The following GPC6 variants were observed in gnomAD, a reference collection of about 807,000 sequenced individuals.
GPC6 encodes the protein glypican-6.
GPC6 carries 14 observed loss-of-function variants against 55.2 expected under a neutral mutation model. That is an observed-to-expected ratio of 0.25 (90% CI 0.17 to 0.40). The LOEUF (loss-of-function observed/expected upper bound fraction) is 0.40. GPC6 is among the 10% of genes least tolerant of loss of function. GPC6 has a pLI of 1.00. For synonymous variants in GPC6, 278 were observed against 259.6 expected (o/e 1.07, Z -0.68); for missense variants, 641 against 708.5 (o/e 0.90, Z 1.08).
chr13:93,793,468 A>C (rs1261467588), intron 2 of GPC6, among the ~76,000 whole-genome samples: 1 of 142,380 alleles, frequency 7.0e-6, no homozygotes, highest in African/African-American at 2.7e-5. Flanking sequence ...TATATTTCAG[A>C]ATATCACTTT....
intron 3 of GPC6, among the ~76,000 whole-genome samples, chr13:93,945,786 T>A (rs760694608): frequency 2.0e-5 from 3 of 152,232 alleles, no homozygotes; most frequent in Non-Finnish European, 4.4e-5. Context: ...AACTCCTGCA[T>A]CTGTAGCCTG....
intron 2 of GPC6, among the ~76,000 whole-genome samples, chr13:93,799,746 T>G (rs995887558): frequency 5.3e-5 from 8 of 152,194 alleles, no homozygotes; most frequent in African/African-American, 1.9e-4. Flanking sequence ...GGAAAGCATG[T>G]TACATGGGAC....
At chr13:93,554,875 C>T (rs574190772) in intron 2 of GPC6, among the ~76,000 whole-genome samples, 110 of 152,272 alleles carry the variant, frequency 7.2e-4, no homozygotes, top group African/African-American at 2.4e-3. Flanking sequence ...TCAGAATGTG[C>T]CATTTGTTAT....
intron 1 of GPC6, among the ~76,000 whole-genome samples, chr13:93,430,432 G>A (rs1877313030): frequency 6.6e-6 from 1 of 152,092 alleles, no homozygotes; most frequent in African/African-American, 2.4e-5. Flanking sequence ...CATTTGTGGA[G>A]TTAACTATGT....
chr13:93,829,949 G>C (rs761336064), intron 2 of GPC6, among the ~76,000 whole-genome samples: 1 of 152,112 alleles, frequency 6.6e-6, no homozygotes, highest in African/African-American at 2.4e-5. Context: ...GAAATCATGG[G>C]GTATTCTGTT....
At chr13:93,954,010 C>T (rs986714175) in intron 3 of GPC6, among the ~76,000 whole-genome samples, 2 of 152,118 alleles carry the variant, frequency 1.3e-5, no homozygotes, top group African/African-American at 4.8e-5. Context: ...AATTCCAGAA[C>T]ATTTTTATCA....
intron 2 of GPC6, among the ~76,000 whole-genome samples, chr13:93,815,737 T>C (rs942671546): frequency 1.3e-5 from 2 of 152,222 alleles, no homozygotes; most frequent in Non-Finnish European, 2.9e-5. Flanking sequence ...AATAATACTT[T>C]GTCTCATTAT....
intron 1 of GPC6, among the ~76,000 whole-genome samples, chr13:93,521,064 G>T (rs1594233009): frequency 6.6e-6 from 1 of 151,840 alleles, no homozygotes; most frequent in Non-Finnish European, 1.5e-5. Flanking sequence ...GTTAGATTTT[G>T]TATTTAAGAA....
intron 3 of GPC6, among the ~76,000 whole-genome samples, chr13:93,878,875 C>A (rs1488343241): frequency 6.6e-6 from 1 of 151,982 alleles, no homozygotes; most frequent in Non-Finnish European, 1.5e-5. Flanking sequence ...CAGCACAAAT[C>A]GACCAAGAGA....
chr13:94,102,484 A>G (rs1885902309), intron 4 of GPC6, among the ~76,000 whole-genome samples: 1 of 149,434 alleles, frequency 6.7e-6, no homozygotes, highest in South Asian at 2.1e-4. Flanking sequence ...ATTAACCAAC[A>G]TGGGCCTGTT....
intron 3 of GPC6, among the ~76,000 whole-genome samples, chr13:93,933,363 CT>C (rs1878279740): frequency 6.6e-6 from 1 of 152,116 alleles, no homozygotes; most frequent in African/African-American, 2.4e-5. Context: ...TTACCCACCC[CT>C]AAGTGACAAT....
chr13:93,700,136 A>G (rs1882616613), intron 2 of GPC6, among the ~76,000 whole-genome samples: 1 of 152,122 alleles, frequency 6.6e-6, no homozygotes, highest in African/African-American at 2.4e-5. Flanking sequence ...CACAGTTATG[A>G]AAACAAAGCT....
At chr13:93,691,894 T>A (rs1208171711) in intron 2 of GPC6, among the ~76,000 whole-genome samples, 1 of 152,060 alleles carries the variant, frequency 6.6e-6, no homozygotes, top group Non-Finnish European at 1.5e-5. Flanking sequence ...TTCAGACACA[T>A]GGATTTTGGA....
chr13:93,483,640 T>C (rs9524083), intron 1 of GPC6, among the ~76,000 whole-genome samples: 4,534 of 152,304 alleles, frequency 0.03, 116 homozygotes, highest in Non-Finnish European at 0.042. Flanking sequence ...TGTGATAGCA[T>C]ATATGTTTGT....
At chr13:93,666,823 G>T (rs914484278) in intron 2 of GPC6, among the ~76,000 whole-genome samples, 1 of 152,130 alleles carries the variant, frequency 6.6e-6, no homozygotes, top group Admixed American at 6.5e-5. Flanking sequence ...TGGTCCAACA[G>T]AAAGTGCCAG....
At chr13:93,804,254 A>G (rs1886470424) in intron 2 of GPC6, among the ~76,000 whole-genome samples, 1 of 152,154 alleles carries the variant, frequency 6.6e-6, no homozygotes, top group African/African-American at 2.4e-5. Flanking sequence ...AAGTTTAATA[A>G]TTCTCTTTAA....
chr13:93,383,323 C>T (rs2139206998), intron 1 of GPC6, among the ~76,000 whole-genome samples: 1 of 152,282 alleles, frequency 6.6e-6, no homozygotes, highest in Middle Eastern at 3.4e-3. Flanking sequence ...GGGATCCTTT[C>T]ACCTCAGTCT....
chr13:93,543,656 A>G (rs955125600), intron 1 of GPC6, among the ~76,000 whole-genome samples: 1 of 152,114 alleles, frequency 6.6e-6, no homozygotes, highest in African/African-American at 2.4e-5. Context: ...TCGGGATATC[A>G]TCCTTTTTAA....
intron 3 of GPC6, among the ~76,000 whole-genome samples, chr13:93,880,757 A>G (rs1874915334): frequency 6.6e-6 from 1 of 152,108 alleles, no homozygotes; most frequent in South Asian, 2.1e-4. Flanking sequence ...ATTGCCTCAC[A>G]GTAAGGCTGA....
Sources: allele counts gnomAD v4.1 joint callset (sites outside exome capture counted in the v4.1 genomes callset), GRCh38; gene constraint gnomAD v4.1.1; transcripts MANE v1.5; gene names NCBI Gene and HGNC (gene_info 2026-07-23, HGNC 2026-07-21).